Variants in TRIM44 observed in about 807,000 individuals in gnomAD.
TRIM44 encodes the protein tripartite motif containing 44.
A neutral mutation model predicts 37.4 loss-of-function variants in TRIM44; 13 were observed. The ratio of observed to expected loss-of-function variants is 0.35; its 90% CI spans 0.23 to 0.55. TRIM44 has a LOEUF of 0.55. TRIM44 is among the 20% of genes least tolerant of loss of function. The pLI is 0.89. For missense variants in TRIM44, 426 were observed against 437.2 expected, an observed-to-expected ratio of 0.97 and a Z score of 0.23; for synonymous variants, 175 against 157.2, an observed-to-expected ratio of 1.11 and a Z score of -0.85.
chr11:35,723,845 G>C (rs766441310), intron 2 of TRIM44, among the ~76,000 whole-genome samples: 2 of 152,202 alleles, frequency 1.3e-5, no homozygotes, highest in Non-Finnish European at 2.9e-5. Flanking sequence ...TTTGGTCTCT[G>C]AGAGAAGGAC....
intron 2 of TRIM44, among the ~76,000 whole-genome samples, chr11:35,723,820 C>A (rs1852137021): frequency 6.6e-6 from 1 of 152,144 alleles, no homozygotes; most frequent in African/African-American, 2.4e-5. Flanking sequence ...AAAAGTCCAT[C>A]CCTTAGTGAA....
chr11:35,669,456 C>CTTTATTTATTTA (rs35954725), intron 1 of TRIM44, among the ~76,000 whole-genome samples: 63 of 148,392 alleles, frequency 4.2e-4, no homozygotes, highest in East Asian at 2.2e-3. Context: ...AAAGGATCCC[C>CTTTATTTATTTA]TTTATTTATT....
intron 4 of TRIM44, among the ~76,000 whole-genome samples, chr11:35,769,309 T>C (rs1184266221): frequency 6.6e-6 from 1 of 152,236 alleles, no homozygotes; most frequent in East Asian, 1.9e-4. Flanking sequence ...TTTTTTCTTA[T>C]GTTGTTATTT....
chr11:35,768,414 G>T (rs11033270), intron 4 of TRIM44, among the ~76,000 whole-genome samples: 1 of 152,056 alleles, frequency 6.6e-6, no homozygotes, highest in Non-Finnish European at 1.5e-5. Context: ...TTGAGGGTTC[G>T]CACTCAACCC....
chr11:35,676,146 G>T (rs974187255), intron 1 of TRIM44, among the ~76,000 whole-genome samples: 1 of 152,230 alleles, frequency 6.6e-6, no homozygotes, highest in Non-Finnish European at 1.5e-5. Flanking sequence ...TCTGTAACAT[G>T]AGCTAAGTAA....
In TRIM44 at chr11:35,663,255, C is replaced by G. The variant is rs748229027; in HGVS notation, c.144C>G (p.His48Gln). Reference sequence around the variant, plus strand: ...ACTGCCGCCGCCATGCCGAGGCGCACAGGCAGAAGTTCCTCAGTCACCATC... The same window carrying G: ...ACTGCCGCCGCCATGCCGAGGCGCAGAGGCAGAAGTTCCTCAGTCACCATC... ...FCYCRRHAEA[H>Q]RQKFLSHHLA... The change falls in exon 1 of 5, where the codon CAC becomes CAG. Residue 48 changes from histidine to glutamine, a missense_variant. Coordinates refer to ENST00000299413, the MANE Select transcript of TRIM44 (RefSeq NM_017583.6). The G allele has an allele frequency of 6.2e-7, 1 of 1,609,618 alleles. No homozygotes were observed. Among genetic ancestry groups the G allele is most frequent in the African/African-American group, 1.3e-5 (1 of 74,836 alleles).
intron 2 of TRIM44, among the ~76,000 whole-genome samples, chr11:35,705,855 A>G (rs924414896): frequency 6.7e-6 from 1 of 148,710 alleles, no homozygotes; most frequent in African/African-American, 2.4e-5. Flanking sequence ...TAAAAGAACT[A>G]GAAAAGCAAG....
intron 4 of TRIM44, among the ~76,000 whole-genome samples, chr11:35,792,552 C>T (rs1048252966): frequency 6.6e-6 from 1 of 152,200 alleles, no homozygotes; most frequent in African/African-American, 2.4e-5. Flanking sequence ...GTAGTTTTTA[C>T]CTTGAAGGTT....
At chr11:35,701,389 G>T (rs991677271) in intron 2 of TRIM44, among the ~76,000 whole-genome samples, 2 of 151,754 alleles carry the variant, frequency 1.3e-5, no homozygotes, top group Non-Finnish European at 2.9e-5. Flanking sequence ...AAAAAAAAAA[G>T]TCCTTTTGAA....
At chr11:35,734,878 G>C (rs1852309661) in intron 3 of TRIM44, among the ~76,000 whole-genome samples, 1 of 152,214 alleles carries the variant, frequency 6.6e-6, no homozygotes, top group African/African-American at 2.4e-5. Context: ...ATTAATTAAT[G>C]TTTGCCCAAG....
intron 4 of TRIM44, among the ~76,000 whole-genome samples, chr11:35,750,545 A>G (rs1486067800): frequency 6.6e-6 from 1 of 152,154 alleles, no homozygotes; most frequent in African/African-American, 2.4e-5. Context: ...TGTGATAATG[A>G]AATATGTTTA....
intron 2 of TRIM44, among the ~76,000 whole-genome samples, chr11:35,693,064 A>G (rs1455776978): frequency 6.6e-6 from 1 of 152,184 alleles, no homozygotes; most frequent in Admixed American, 6.6e-5. Context: ...CGTGGTCAGA[A>G]CAAATTGGTA....
intron 4 of TRIM44, among the ~76,000 whole-genome samples, chr11:35,775,882 T>C (rs553185093): frequency 6.6e-6 from 1 of 152,362 alleles, no homozygotes; most frequent in South Asian, 2.1e-4. Context: ...CAGTATTTTA[T>C]TGAGGATTTT....
At chr11:35,791,370 T>A (rs919257727) in intron 4 of TRIM44, among the ~76,000 whole-genome samples, 7 of 152,124 alleles carry the variant, frequency 4.6e-5, no homozygotes, top group African/African-American at 1.7e-4. Context: ...ACACAGCCTG[T>A]ATATTTTAAG....
chr11:35,802,337 T>C (rs781071985), intron 4 of TRIM44, among the ~76,000 whole-genome samples: 3 of 152,162 alleles, frequency 2.0e-5, no homozygotes, highest in African/African-American at 4.8e-5. Flanking sequence ...GGTTCTCTCA[T>C]AGGACTCCTC....
chr11:35,677,568 C>A (rs765411611), intron 1 of TRIM44, among the ~76,000 whole-genome samples: 2 of 152,072 alleles, frequency 1.3e-5, no homozygotes, highest in Non-Finnish European at 2.9e-5. Context: ...AAACTTTCTG[C>A]ATATTCTTTC....
intron 4 of TRIM44, among the ~76,000 whole-genome samples, chr11:35,744,770 G>A (rs923164413): frequency 2.6e-5 from 4 of 152,106 alleles, no homozygotes; most frequent in South Asian, 4.1e-4. Flanking sequence ...CCCCCCATGA[G>A]TCCATGTGTT....
chr11:35,765,679 T>TA (rs1852788603), intron 4 of TRIM44, among the ~76,000 whole-genome samples: 1 of 152,206 alleles, frequency 6.6e-6, no homozygotes, highest in Non-Finnish European at 1.5e-5. Flanking sequence ...AGCTTGGGTA[T>TA]AAAAGAAGTA....
intron 4 of TRIM44, among the ~76,000 whole-genome samples, chr11:35,760,476 A>T (rs1204194372): frequency 1.3e-5 from 2 of 152,148 alleles, no homozygotes; most frequent in Non-Finnish European, 2.9e-5. Context: ...GCTTAAGCTC[A>T]TGCTTGGTGC....
Sources: gnomAD v4.1 joint callset for allele counts (sites outside exome capture counted in the v4.1 genomes callset) on GRCh38, gnomAD v4.1.1 for gene constraint, MANE v1.5 for transcripts, NCBI Gene and HGNC (gene_info 2026-07-23, HGNC 2026-07-21) for gene names.